Variants in PHF21B observed in about 807,000 individuals in gnomAD.
PHF21B encodes PHD finger protein 21B, also known as PHD finger protein 4.
Under a neutral mutation model 62.2 loss-of-function variants are expected in PHF21B, and 22 were observed. That is an observed-to-expected ratio of 0.35 (90% CI 0.25 to 0.51). The LOEUF (loss-of-function observed/expected upper bound fraction) is 0.51. Ranked by LOEUF, PHF21B falls within the 20% of genes least tolerant of loss-of-function variation. PHF21B has a pLI of 0.97. For synonymous variants in PHF21B, 341 were observed against 314.7 expected, an observed-to-expected ratio of 1.08 and a Z score of -0.88; for missense variants, 701 against 707.9, an observed-to-expected ratio of 0.99 and a Z score of 0.11.
At chr22:44,926,950 C>T (rs920761375) in intron 2 of PHF21B, among the ~76,000 whole-genome samples, 2 of 152,110 alleles carry the variant, frequency 1.3e-5, no homozygotes, top group African/African-American at 4.8e-5. Flanking sequence ...GAGTTCTTCT[C>T]GGGAGCGTCT....
At chr22:44,954,800 C>T (rs1569251975) in intron 2 of PHF21B, among the ~76,000 whole-genome samples, 1 of 152,188 alleles carries the variant, frequency 6.6e-6, no homozygotes, top group Non-Finnish European at 1.5e-5. Context: ...GGAATTTAAC[C>T]GAGGAGTGGT....
At chr22:44,994,903 A>C (rs1271465995) in intron 2 of PHF21B, among the ~76,000 whole-genome samples, 2 of 152,272 alleles carry the variant, frequency 1.3e-5, no homozygotes, top group Non-Finnish European at 2.9e-5. Flanking sequence ...GGCGAGAATC[A>C]GCAGACCTGC....
At chr22:44,907,320 G>A (rs529180412) in intron 5 of PHF21B, among the ~76,000 whole-genome samples, 4 of 152,350 alleles carry the variant, frequency 2.6e-5, no homozygotes, top group South Asian at 4.1e-4. Flanking sequence ...GTCACGGCCC[G>A]GCTGGCTCAA....
chr22:44,905,536 A>G (rs1229470364), intron 5 of PHF21B, among the ~76,000 whole-genome samples: 1 of 152,176 alleles, frequency 6.6e-6, no homozygotes, highest in Non-Finnish European at 1.5e-5. Flanking sequence ...CATGTTCGAA[A>G]TGTTGATTTC....
Position 44,983,550 on chromosome 22 carries a change from G to A in PHF21B, c.120+24995C>T, listed in dbSNP as rs971026025. ...TGGAAGAGCTGGGCCCTGGGCCGTC[G>A]CAAACACCACACCAAAGGGCAGGCG... is the stretch of plus-strand genomic sequence containing the variant. On this transcript the variant is annotated intron_variant, in intron 2 of 12. Transcript: ENST00000313237. 7.2e-5 allele frequency among the ~76,000 whole-genome samples: 11 copies of A among 152,156 alleles called. 1 individual carries two copies. Among genetic ancestry groups the A allele is most frequent in the Non-Finnish European group, 2.9e-5 (2 of 67,974 alleles).
intron 2 of PHF21B, among the ~76,000 whole-genome samples, chr22:44,976,835 C>T (rs1164533890): frequency 6.6e-6 from 1 of 152,222 alleles, no homozygotes. Context: ...ATGTACATAG[C>T]ACTCGGGTTA....
intron 2 of PHF21B, among the ~76,000 whole-genome samples, chr22:44,933,165 T>A (rs1203179899): frequency 2.0e-5 from 3 of 149,312 alleles, no homozygotes; most frequent in Non-Finnish European, 3.0e-5. Context: ...CAGGCTGGAG[T>A]GCACTGGCAC....
At chr22:44,988,459 C>T (rs2072990465) in intron 2 of PHF21B, among the ~76,000 whole-genome samples, 1 of 150,414 alleles carries the variant, frequency 6.6e-6, no homozygotes, top group Non-Finnish European at 1.5e-5. Flanking sequence ...AAGACCCTGT[C>T]AAAAGAAAGG....
rs1295440208 is a variant in PHF21B, at chr22:44,888,106, C to T, written c.1054G>A (p.Asp352Asn). 2.0e-6 allele frequency: 3 copies of T among 1,533,120 alleles called. No homozygotes were observed. Among genetic ancestry groups the T allele is most frequent in the South Asian group, 1.2e-5 (1 of 81,948 alleles). The allele number at this position is 1,533,120 out of a possible 1,614,324, so 95.0% of individuals were successfully genotyped here. A position where few individuals can be genotyped will look rare whatever the true frequency, so the allele number is the denominator to read the frequency against. Reference sequence around the variant, plus strand: ...CGCTTGCAGGCGGCACAGTGCTCATCGTGGGTGATCTCGTTCTGGAAGAGA... The same window carrying T: ...CGCTTGCAGGCGGCACAGTGCTCATTGTGGGTGATCTCGTTCTGGAAGAGA... ...DPCWKNEITHDEHCAACKRGA... is the reference protein window; with the variant it reads ...DPCWKNEITHNEHCAACKRGA... Residue 352 changes from aspartate (D) to asparagine (N), a missense_variant, in exon 10 of 13, where the codon GAT (aspartate) becomes AAT (asparagine). By Grantham distance (23) the Asp-to-Asn change is conservative (BLOSUM62 1). Transcript: ENST00000313237.
chr22:44,897,083 T>G (rs1399943496), intron 5 of PHF21B, among the ~76,000 whole-genome samples: 1 of 152,070 alleles, frequency 6.6e-6, no homozygotes, highest in Non-Finnish European at 1.5e-5. Context: ...TTTGCCATGT[T>G]GCCCAGGCTG....
Position 44,914,069 on chromosome 22 carries a change from G to C in PHF21B, c.584C>G (p.Ser195Cys). 1 of 1,193,126 alleles carries C rather than the reference G, an allele frequency of 8.4e-7. No individual in the cohort carries two copies. Among genetic ancestry groups the C allele is most frequent in the East Asian group, 2.5e-5 (1 of 40,706 alleles). 73.9% of individuals were successfully genotyped at this position (1,193,126 alleles called of 1,614,324 possible). A position where few individuals can be genotyped will look rare whatever the true frequency, so the allele number is the denominator to read the frequency against. ...ADNKPPPRLLSSPHPATHHCP... is the reference protein window; with the variant it reads ...ADNKPPPRLLCSPHPATHHCP... ...GTGATGGGTTGCGGGGTGAGGGGAA[G>C]AGAGGAGGCGTGGAGGAGGCTGGAG... Residue 195 changes from serine (S) to cysteine (C), a missense_variant, in exon 5 of 13, where the codon TCT (serine) becomes TGT (cysteine). Coordinates refer to ENST00000313237, the MANE Select transcript of PHF21B (RefSeq NM_138415.5).
chr22:44,949,393 T>C (rs1051321772), intron 2 of PHF21B, among the ~76,000 whole-genome samples: 7 of 152,158 alleles, frequency 4.6e-5, no homozygotes, highest in African/African-American at 1.7e-4. Flanking sequence ...CTCTATCTCT[T>C]TCAAAATCTC....
At chr22:44,924,907 C>T (rs892117605) in intron 2 of PHF21B, among the ~76,000 whole-genome samples, 1 of 152,150 alleles carries the variant, frequency 6.6e-6, no homozygotes, top group African/African-American at 2.4e-5. Flanking sequence ...GCAACCCAAA[C>T]GCTCACCAAC....
chr22:44,919,803 G>A (rs2071502037), intron 3 of PHF21B, among the ~76,000 whole-genome samples: 2 of 152,178 alleles, frequency 1.3e-5, no homozygotes, highest in Non-Finnish European at 2.9e-5. Context: ...GCCACCATTG[G>A]CTCAACCCTC....
At position 44,988,056 on chromosome 22, in the gene PHF21B, C is replaced by T. The variant is rs570895274; in HGVS notation, c.120+20489G>A. ...GGGAATCCCTGGAGGATTTGGTCAG[C>T]GTTTGTCAAACTTATTTAGGAAGCA... On this transcript the variant is annotated intron_variant, in intron 2 of 12. Transcript: ENST00000313237. Among the ~76,000 whole-genome samples the T allele has an allele frequency of 1.6e-3, 251 of 152,270 alleles. 1 individual carries two copies. Among genetic ancestry groups the T allele is most frequent in the African/African-American group, 5.6e-3 (234 of 41,524 alleles).
intron 10 of PHF21B, 29 bp from the exon 11 acceptor site, chr22:44,885,967 T>C (rs1348983754): frequency 6.2e-7 from 1 of 1,609,012 alleles, no homozygotes; most frequent in Non-Finnish European, 8.5e-7. Context: ...GATGAAAAAG[T>C]GGACAGGCCC....
intron 6 of PHF21B, among the ~76,000 whole-genome samples, chr22:44,895,446 A>C (rs544081887): frequency 1.8e-3 from 274 of 152,168 alleles, no homozygotes; most frequent in Non-Finnish European, 3.3e-3. Flanking sequence ...CTACTGTTCC[A>C]ATTTTCACGG....
intron 2 of PHF21B, among the ~76,000 whole-genome samples, chr22:44,931,426 CA>C (rs918235413): frequency 2.0e-5 from 3 of 152,180 alleles, no homozygotes; most frequent in African/African-American, 7.2e-5. Flanking sequence ...GCCACTTAAC[CA>C]ATCGCAGAGG....
intron 2 of PHF21B, chr22:44,933,518 T>C: frequency 1.0e-6 from 1 of 985,458 alleles, no homozygotes; most frequent in Non-Finnish European, 1.2e-6. Flanking sequence ...CTGCCCGCGA[T>C]CTGGGGAAAC....
Sources: allele counts gnomAD v4.1 joint callset (sites outside exome capture counted in the v4.1 genomes callset), GRCh38; gene constraint gnomAD v4.1.1; transcripts MANE v1.5; gene names NCBI Gene and HGNC (gene_info 2026-07-23, HGNC 2026-07-21).